The following ARID1B variants were observed in gnomAD, a reference collection of about 807,000 sequenced individuals.
ARID1B encodes AT-rich interactive domain-containing protein 1B.
ARID1B carries 30 observed loss-of-function variants against 212.3 expected under a neutral mutation model. That is an observed-to-expected ratio of 0.14 (90% CI 0.11 to 0.19). The LOEUF (loss-of-function observed/expected upper bound fraction) is 0.19. Among genes scored for constraint, ARID1B ranks in the 10% least tolerant of loss-of-function variants. ARID1B has a pLI of 1.00. For synonymous variants in ARID1B, 1,402 were observed against 1,301.7 expected (o/e 1.08, Z -1.66); for missense variants, 2,891 against 3,204.0 (o/e 0.90, Z 2.36).
chr6:156,804,886 AAAAG>A (rs1364983002), intron 1 of ARID1B, among the ~76,000 whole-genome samples: 1,574 of 150,876 alleles, frequency 0.01, 28 homozygotes, highest in African/African-American at 0.037. Flanking sequence ...AAAAAAAAAA[AAAAG>A]AAATTGGCCC....
At chr6:156,823,967 T>C (rs1351858451) in intron 1 of ARID1B, among the ~76,000 whole-genome samples, 1 of 152,236 alleles carries the variant, frequency 6.6e-6, no homozygotes, top group Non-Finnish European at 1.5e-5. Flanking sequence ...TTGGATCATC[T>C]TGAAAAGGAC....
chr6:156,858,924 C>G (rs890855250), intron 2 of ARID1B, among the ~76,000 whole-genome samples: 1 of 152,086 alleles, frequency 6.6e-6, no homozygotes, highest in Non-Finnish European at 1.5e-5. Flanking sequence ...CTGGAAGTTG[C>G]ACTGAGCGAG....
intron 6 of ARID1B, among the ~76,000 whole-genome samples, chr6:157,125,436 A>G (rs1461933263): frequency 1.3e-5 from 2 of 152,218 alleles, no homozygotes; most frequent in Non-Finnish European, 2.9e-5. Context: ...GGGTACCTCA[A>G]GTGACCTCTA....
rs182865000 is a variant in ARID1B at position 157,088,707 on chromosome 6, C to G, written c.2491+3802C>G. On this transcript the variant is annotated intron_variant, in intron 5 of 19. Coordinates refer to ENST00000636930, the MANE Select transcript of ARID1B (RefSeq NM_001374828.1). Reference sequence around the variant, plus strand: ...TTTCACCTAAATGCAAATACACCTTCCTTTAGAGAATAATGAGGCCCATCT... The same window carrying G: ...TTTCACCTAAATGCAAATACACCTTGCTTTAGAGAATAATGAGGCCCATCT... Among the ~76,000 whole-genome samples, 3 of 152,288 alleles carry G rather than the reference C, an allele frequency of 2.0e-5. No homozygotes were observed. In the East Asian group the frequency reaches 5.8e-4, roughly 29 times the overall value.
rs75275599 is a variant in ARID1B, at chr6:156,988,409, A to G, written c.2247+52833A>G. On this transcript the variant is annotated intron_variant, in intron 4 of 19. Transcript: ENST00000636930. ...CAGCCTGCCACTGTTTTTTGTGCTT[A>G]TCTCAGGGGATTCGCTGCAAACCAT... Among the ~76,000 whole-genome samples, 1,289 of 152,164 alleles carry G rather than the reference A, an allele frequency of 8.5e-3. 23 individuals are homozygous for G. The highest frequency in any genetic ancestry group is 0.03 in the African/African-American group (1,243 of 41,490).
chr6:156,911,566 T>G (rs1582931173), intron 3 of ARID1B, among the ~76,000 whole-genome samples: 1 of 152,312 alleles, frequency 6.6e-6, no homozygotes, highest in East Asian at 1.9e-4. Context: ...ATATATGTCC[T>G]TAATTTTCCT....
At chr6:156,842,868 C>T (rs947463251) in intron 2 of ARID1B, among the ~76,000 whole-genome samples, 1 of 152,202 alleles carries the variant, frequency 6.6e-6, no homozygotes, top group Non-Finnish European at 1.5e-5. Flanking sequence ...AGTGGGGAAA[C>T]AGAGGTTAGG....
intron 2 of ARID1B, among the ~76,000 whole-genome samples, chr6:156,838,018 C>T (rs935702666): frequency 6.6e-6 from 1 of 152,198 alleles, no homozygotes; most frequent in Admixed American, 6.5e-5. Context: ...CCCAGCTTCC[C>T]AATTCTTATG....
chr6:156,934,934 ATATATATATATATATATATATATATAT>A lies in ARID1B; in HGVS notation c.2137-531_2137-505del, dbSNP rs1562494753. ...TAATTATATATATATATATATATAT[ATATATATATATATATATATATATATAT>A]AGTTTATATTTCTGCTGTTATTCAC... On this transcript the variant is annotated intron_variant, in intron 3 of 19. Transcript: ENST00000636930. Among the ~76,000 whole-genome samples, 29 of 80,922 alleles carry A rather than the reference ATATATATATATATATATATATATATAT, an allele frequency of 3.6e-4. 1 individual carries two copies. Among genetic ancestry groups the A allele is most frequent in the African/African-American group, 4.3e-4 (10 of 23,150 alleles). 53.1% of individuals were successfully genotyped at this position (80,922 alleles called of 152,430 possible).
intron 4 of ARID1B, among the ~76,000 whole-genome samples, chr6:157,080,680 T>C (rs111938458): frequency 1.2e-3 from 176 of 152,338 alleles, no homozygotes; most frequent in African/African-American, 4.0e-3. Context: ...ATAAGATTGT[T>C]ATTGCTTTGG....
intron 3 of ARID1B, among the ~76,000 whole-genome samples, chr6:156,903,168 ATTAG>A (rs1789091316): frequency 6.6e-6 from 1 of 152,228 alleles, no homozygotes; most frequent in Non-Finnish European, 1.5e-5. Context: ...GCACATGGCA[ATTAG>A]TTATTTAATA....
In ARID1B at chr6:156,838,956, C is replaced by T. The variant is rs145964570; in HGVS notation, c.1986+9535C>T. On this transcript the variant is annotated intron_variant, in intron 2 of 19. Coordinates refer to ENST00000636930, the MANE Select transcript of ARID1B (RefSeq NM_001374828.1). ...GATTTCCAGTAGGATCTTCAGGCAT[C>T]CCAATAGTCATTTTCCAGACATCTT... is the stretch of plus-strand genomic sequence containing the variant. 2.2e-3 allele frequency among the ~76,000 whole-genome samples: 342 copies of T among 152,134 alleles called. 2 individuals are homozygous for T. Among genetic ancestry groups the T allele is most frequent in the African/African-American group, 7.7e-3 (319 of 41,502 alleles).
intron 4 of ARID1B, among the ~76,000 whole-genome samples, chr6:157,009,701 A>G (rs1390503614): frequency 6.6e-6 from 1 of 152,246 alleles, no homozygotes; most frequent in Non-Finnish European, 1.5e-5. Flanking sequence ...ATATTTGTTA[A>G]TATGCTTTTC....
intron 5 of ARID1B, among the ~76,000 whole-genome samples, chr6:157,095,562 C>T (rs1318370949): frequency 6.6e-6 from 1 of 152,196 alleles, no homozygotes; most frequent in Non-Finnish European, 1.5e-5. Flanking sequence ...GAGAAGGAGG[C>T]CTGTCTTCCC....
chr6:156,854,409 C>T (rs1169500335), intron 2 of ARID1B, among the ~76,000 whole-genome samples: 1 of 152,236 alleles, frequency 6.6e-6, no homozygotes, highest in Non-Finnish European at 1.5e-5. Flanking sequence ...TAACCTGAGG[C>T]AGTTCAGGAA....
chr6:157,206,594 A>G lies in ARID1B; in HGVS notation c.5822A>G (p.His1941Arg). ...RVQEFNSGLL[H>R]WQLGGGDTTE... ...CAGGAGTTCAATAGTGGCCTTCTGC[A>G]CTGGCAGCTCGGCGGGGGTGACACC... Residue 1941 changes from histidine to arginine, a missense_variant, in exon 20 of 20, where the codon CAC (histidine) becomes CGC (arginine). By Grantham distance (29) the His-to-Arg change is conservative (BLOSUM62 0). Transcript: ENST00000636930. This position sits in a 1 kb window ranked among gnomAD's most constrained non-coding sequence, Gnocchi z 6.8. 1 of 1,614,146 alleles carries G rather than the reference A, an allele frequency of 6.2e-7. No individual in the cohort carries two copies. Among genetic ancestry groups the G allele is most frequent in the East Asian group, 2.2e-5 (1 of 44,874 alleles).
chr6:156,905,336 C>G (rs1421583872), intron 3 of ARID1B, among the ~76,000 whole-genome samples: 1 of 151,172 alleles, frequency 6.6e-6, no homozygotes, highest in East Asian at 1.9e-4. Context: ...ATTTCCGAAA[C>G]CTGCAGTATG....
Position 156,778,050 on chromosome 6 carries a change from T to G in ARID1B, c.370T>G (p.Ser124Ala), listed in dbSNP as rs1239463899. The G allele has an allele frequency of 6.5e-7, 1 of 1,527,664 alleles. No homozygotes were observed. Among genetic ancestry groups the G allele is most frequent in the Non-Finnish European group, 8.7e-7 (1 of 1,143,020 alleles). 94.6% of individuals were successfully genotyped at this position (1,527,664 alleles called of 1,614,324 possible). A position where few individuals can be genotyped will look rare whatever the true frequency, so the allele number is the denominator to read the frequency against. Residue 124 changes from serine (S) to alanine (A), a missense_variant, in exon 1 of 20, where the codon TCC becomes GCC. Coordinates refer to ENST00000636930, the MANE Select transcript of ARID1B (RefSeq NM_001374828.1). ...CGCGCTGTCCTCCTCCTCCTCCTCC[T>G]CCGCGGCGGCAGCGGCGGCATCCTC... is the stretch of plus-strand genomic sequence containing the variant. Reference protein sequence around the residue: ...AAALSSSSSSSAAAAAASSSS... With the variant: ...AAALSSSSSSAAAAAAASSSS...
In ARID1B at chr6:157,009,250, T is replaced by C. The variant is rs142090547; in HGVS notation, c.2247+73674T>C. Among the ~76,000 whole-genome samples the C allele has an allele frequency of 5.4e-3, 829 of 152,170 alleles. 2 individuals carry two copies. The highest frequency in any genetic ancestry group is 0.013 in the South Asian group (61 of 4,814). ...CACAGTAGTTCTGTGTTGAGTAAAA[T>C]GGAGGTGCAGTAAGGAAAGTGAGGC... On this transcript the variant is annotated intron_variant, in intron 4 of 19. Transcript: ENST00000636930.
Sources: gnomAD v4.1 joint callset for allele counts (sites outside exome capture counted in the v4.1 genomes callset) on GRCh38, gnomAD v4.1.1 for gene constraint, Gnocchi (gnomAD v3.1) non-coding constraint, MANE v1.5 for transcripts, NCBI Gene and HGNC (gene_info 2026-07-23, HGNC 2026-07-21) for gene names.